TNFAIP8: variants seen among roughly 807,000 people sequenced by gnomAD.
TNFAIP8 encodes tumor necrosis factor alpha-induced protein 8.
TNFAIP8 carries 7 observed loss-of-function variants against 13.3 expected under a neutral mutation model. The ratio of observed to expected loss-of-function variants is 0.52; its 90% confidence interval spans 0.30 to 0.99. TNFAIP8 has a LOEUF of 0.99. Among genes scored for constraint, TNFAIP8 ranks in the 50% least tolerant of loss-of-function variants. The pLI, the probability that TNFAIP8 is intolerant of heterozygous loss-of-function variation, is 0.07. For synonymous variants in TNFAIP8, 94 were observed against 87.6 expected (o/e 1.07, Z -0.41); for missense variants, 258 against 236.9 (o/e 1.09, Z -0.58).
chr5:119,324,134 G>A (rs1364079270), intron 1 of TNFAIP8, among the ~76,000 whole-genome samples: 1 of 151,686 alleles, frequency 6.6e-6, no homozygotes, highest in Non-Finnish European at 1.5e-5. Context: ...AATTAGCCAG[G>A]TGTGTTGGCC....
At chr5:119,330,907 T>C (rs533902448) in intron 1 of TNFAIP8, among the ~76,000 whole-genome samples, 1 of 148,016 alleles carries the variant, frequency 6.8e-6, no homozygotes, top group African/African-American at 2.5e-5. Context: ...GGTTAGGGGT[T>C]AGGGTACAGA....
intron 1 of TNFAIP8, among the ~76,000 whole-genome samples, chr5:119,326,772 G>A (rs1750239516): frequency 6.6e-6 from 1 of 152,132 alleles, no homozygotes; most frequent in Admixed American, 6.5e-5. Flanking sequence ...GCAGAGGAGT[G>A]TTTTGAAGGT....
At chr5:119,299,022 A>T (rs1749274217) in intron 1 of TNFAIP8, among the ~76,000 whole-genome samples, 1 of 152,078 alleles carries the variant, frequency 6.6e-6, no homozygotes, top group Non-Finnish European at 1.5e-5. Context: ...ATTTTTTTCA[A>T]AGTTTTTAAC....
At chr5:119,379,464 C>T (rs1355610123) in intron 1 of TNFAIP8, among the ~76,000 whole-genome samples, 1 of 152,160 alleles carries the variant, frequency 6.6e-6, no homozygotes, top group Non-Finnish European at 1.5e-5. Flanking sequence ...TTACATTGAG[C>T]TTTACAGGAT....
intron 1 of TNFAIP8, among the ~76,000 whole-genome samples, chr5:119,376,321 G>T (rs981309572): frequency 6.6e-6 from 1 of 151,680 alleles, no homozygotes; most frequent in African/African-American, 2.4e-5. Context: ...CACCATGCTG[G>T]CCAGGCTGGT....
chr5:119,292,497 A>G (rs908260758), intron 1 of TNFAIP8, among the ~76,000 whole-genome samples: 3 of 151,308 alleles, frequency 2.0e-5, no homozygotes, highest in Non-Finnish European at 3.0e-5. Context: ...AAAACCCAGC[A>G]AGTCTACTTC....
At chr5:119,279,702 C>G in intron 1 of TNFAIP8, among the ~76,000 whole-genome samples, 1 of 152,262 alleles carries the variant, frequency 6.6e-6, no homozygotes, top group East Asian at 1.9e-4. Context: ...TCGCCTCAAC[C>G]TTTTGTGTAG....
chr5:119,350,536 A>G (rs115413251), intron 1 of TNFAIP8, among the ~76,000 whole-genome samples: 460 of 152,342 alleles, frequency 3.0e-3, no homozygotes, highest in African/African-American at 0.011. Flanking sequence ...TTTGGAGAGT[A>G]TGCTTGTGTT....
intron 1 of TNFAIP8, among the ~76,000 whole-genome samples, chr5:119,337,825 C>T (rs1162993131): frequency 6.6e-6 from 1 of 152,170 alleles, no homozygotes; most frequent in East Asian, 1.9e-4. Context: ...GCCTCATTAA[C>T]ACCCTAACTG....
At chr5:119,314,167 C>T (rs1749813103) in intron 1 of TNFAIP8, among the ~76,000 whole-genome samples, 1 of 102,080 alleles carries the variant, frequency 9.8e-6, no homozygotes, top group Non-Finnish European at 2.0e-5. Flanking sequence ...GATGCTGTCT[C>T]TAAAAACAAA....
At chr5:119,386,872 G>T (rs1291670148) in intron 1 of TNFAIP8, among the ~76,000 whole-genome samples, 2 of 152,136 alleles carry the variant, frequency 1.3e-5, no homozygotes, top group Non-Finnish European at 2.9e-5. Context: ...TGATAAGATT[G>T]CCTCCAGCTT....
chr5:119,368,567 A>T (rs1164287916), intron 1 of TNFAIP8, among the ~76,000 whole-genome samples: 1 of 151,898 alleles, frequency 6.6e-6, no homozygotes, highest in African/African-American at 2.4e-5. Context: ...ACAACAAAAA[A>T]CTTTCTTTTT....
At chr5:119,304,292 A>G (rs1022123089) in intron 1 of TNFAIP8, among the ~76,000 whole-genome samples, 3 of 151,948 alleles carry the variant, frequency 2.0e-5, no homozygotes, top group Non-Finnish European at 4.4e-5. Flanking sequence ...TGAAATTCTT[A>G]AAAGTGCTCC....
At chr5:119,302,347 A>G (rs1294875222) in intron 1 of TNFAIP8, among the ~76,000 whole-genome samples, 1 of 152,176 alleles carries the variant, frequency 6.6e-6, no homozygotes, top group Non-Finnish European at 1.5e-5. Flanking sequence ...TATTAGAGAA[A>G]ATGATTTCTA....
At chr5:119,374,713 G>A (rs996526053) in intron 1 of TNFAIP8, among the ~76,000 whole-genome samples, 46 of 152,296 alleles carry the variant, frequency 3.0e-4, no homozygotes, top group African/African-American at 1.1e-3. Context: ...TATGCCTACG[G>A]GAGCCAGGAA....
intron 1 of TNFAIP8, among the ~76,000 whole-genome samples, chr5:119,384,455 C>G (rs1752597575): frequency 6.6e-6 from 1 of 151,990 alleles, no homozygotes; most frequent in East Asian, 1.9e-4. Flanking sequence ...TTCACTCCAG[C>G]CTGGGCAAAA....
chr5:119,366,324 C>T (rs1024406296), intron 1 of TNFAIP8, among the ~76,000 whole-genome samples: 1 of 151,936 alleles, frequency 6.6e-6, no homozygotes, highest in African/African-American at 2.4e-5. Flanking sequence ...GACTTGGAGC[C>T]AATGAAATGT....
chr5:119,344,736 GA>G (rs1328230331), intron 1 of TNFAIP8, among the ~76,000 whole-genome samples: 1 of 152,150 alleles, frequency 6.6e-6, no homozygotes, highest in Non-Finnish European at 1.5e-5. Flanking sequence ...GCCAATCCAG[GA>G]AACATTTTGA....
rs899483674 is a variant in TNFAIP8 at position 119,399,479 on chromosome 5, G to A, written c.*6098G>A. On this transcript the variant is annotated 3_prime_UTR_variant, in exon 2 of 2. Transcript: ENST00000504771. ...GGCCTTTCACTATTTCCAAATCAGC[G>A]ATGAAAAGAAGACTGAGTCTAAAAT... 2 of 152,094 alleles carry A rather than the reference G, an allele frequency of 1.3e-5. No individual in the cohort carries two copies. The highest frequency in any genetic ancestry group is 2.4e-5 in the African/African-American group (1 of 41,408). The allele number at this position is 152,094 out of a possible 1,614,324, so 9.4% of individuals were successfully genotyped here. A position where few individuals can be genotyped will look rare whatever the true frequency, so the allele number is the denominator to read the frequency against.
Sources: allele counts gnomAD v4.1 joint callset (sites outside exome capture counted in the v4.1 genomes callset), GRCh38; gene constraint gnomAD v4.1.1; transcripts MANE v1.5; gene names NCBI Gene and HGNC (gene_info 2026-07-23, HGNC 2026-07-21).